F5: variants seen among roughly 807,000 people sequenced by gnomAD.
The protein encoded by F5 is coagulation factor V, also known as activated protein c cofactor.
Under a neutral mutation model 216.4 loss-of-function variants are expected in F5, and 138 were observed. The observed-to-expected ratio is 0.64, with a 90% CI of 0.56 to 0.73. The LOEUF (loss-of-function observed/expected upper bound fraction) is 0.73, where lower values mean the gene tolerates loss of function less well. Ranked by LOEUF, F5 falls within the 30% of genes least tolerant of loss-of-function variation. The pLI is 0.00. For missense variants in F5, 2,403 were observed against 2,674.0 expected (o/e 0.90, Z 2.24); for synonymous variants, 916 against 930.7 (o/e 0.98, Z 0.29).
At chr1:169,560,501 T>A (rs954826507) in intron 4 of F5, 53 bp downstream of exon 4, 241 of 1,573,156 alleles carry the variant, frequency 1.5e-4, no homozygotes, top group Non-Finnish European at 2.0e-4. Flanking sequence ...ATGACAGAAC[T>A]CCTGACCATT....
intron 19 of F5, 66 bp from the exon 20 acceptor site, chr1:169,523,970 G>T: frequency 7.4e-7 from 1 of 1,355,498 alleles, no homozygotes; most frequent in Non-Finnish European, 1.0e-6. Flanking sequence ...TCTCAAGTGA[G>T]TTTAATCCAG....
chr1:169,551,378 A>C (rs1161805684), intron 8 of F5, among the ~76,000 whole-genome samples: 2 of 152,192 alleles, frequency 1.3e-5, no homozygotes, highest in Non-Finnish European at 2.9e-5. Flanking sequence ...TGAGCCCAGG[A>C]AGTGGAGGTT....
chr1:169,524,595 T>C (rs1486463115), intron 19 of F5, among the ~76,000 whole-genome samples: 1 of 152,132 alleles, frequency 6.6e-6, no homozygotes, highest in East Asian at 1.9e-4. Context: ...CTCTTTGGGA[T>C]CATTATACAC....
chr1:169,540,270 A>T (rs765746729), intron 13 of F5, 24 bp downstream of exon 13: 1 of 1,612,244 alleles, frequency 6.2e-7, no homozygotes, highest in Non-Finnish European at 8.5e-7. Context: ...AAATGAGAAT[A>T]AAAAAGGAGA....
At position 169,542,102 on chromosome 1, in the gene F5, A is replaced by C. The variant is rs760204061; in HGVS notation, c.2988T>G (p.Ser996Arg). 2.5e-5 allele frequency: 40 copies of C among 1,613,710 alleles called. No individual in the cohort carries two copies. Among genetic ancestry groups the C allele is most frequent in the Non-Finnish European group, 3.0e-5 (35 of 1,179,968 alleles). ...TAACTCTAGGAAACTTTGGGTGGCCACTCTGCTTTCCAGGCTTGTTGGCAA... is the reference window on the plus strand; with the variant it reads ...TAACTCTAGGAAACTTTGGGTGGCCCCTCTGCTTTCCAGGCTTGTTGGCAA... ...TPLANKPGKQSGHPKFPRVRH... is the reference protein window; with the variant it reads ...TPLANKPGKQRGHPKFPRVRH... Residue 996 changes from serine (S) to arginine (R), a missense_variant, in exon 13 of 25, where the codon AGT becomes AGG. Physicochemically the swap from Ser to Arg is moderately radical, Grantham distance 110. This residue lies in a region of F5 where 1,425 missense variants were observed against 1,554.8 expected (regional missense o/e 0.92). Coordinates refer to ENST00000367797, the MANE Select transcript of F5 (RefSeq NM_000130.5).
intron 10 of F5, 99 bp downstream of exon 10, chr1:169,549,702 C>T (rs1660115046): frequency 1.2e-6 from 1 of 825,730 alleles, no homozygotes; most frequent in Admixed American, 2.0e-5. Context: ...TTACTGTTCT[C>T]TTGAAGGAAA....
intron 23 of F5, 45 bp from the exon 24 acceptor site, chr1:169,515,671 C>T (rs1381891487): frequency 6.1e-5 from 97 of 1,600,078 alleles, no homozygotes; most frequent in Non-Finnish European, 7.2e-5. Context: ...ATGTTAAAAC[C>T]TTTGCTTTTT....
chr1:169,540,210 A>G lies in F5; in HGVS notation c.4796+84T>C. Reference sequence around the variant, plus strand: ...ACACTGTTCTTAGTATAATTTGCCCACAATTATCCCCCTGAATTGTAGTAG... The same window carrying G: ...ACACTGTTCTTAGTATAATTTGCCCGCAATTATCCCCCTGAATTGTAGTAG... On this transcript the variant is annotated intron_variant, in intron 13 of 24. Coordinates refer to ENST00000367797, the MANE Select transcript of F5 (RefSeq NM_000130.5). The G allele has an allele frequency of 2.0e-6, 3 of 1,476,120 alleles. No homozygotes were observed. The South Asian group carries it at 3.5e-5, about 17-fold the overall frequency. 91.4% of individuals were successfully genotyped at this position (1,476,120 alleles called of 1,614,324 possible). A position where few individuals can be genotyped will look rare whatever the true frequency, so the allele number is the denominator to read the frequency against.
At chr1:169,538,107 T>C (rs1319723716) in intron 13 of F5, among the ~76,000 whole-genome samples, 5 of 152,114 alleles carry the variant, frequency 3.3e-5, no homozygotes, top group African/African-American at 9.7e-5. Context: ...ATGGATTTCT[T>C]AAATGTGATC....
At chr1:169,562,568 CT>C (rs1337609606) in intron 3 of F5, among the ~76,000 whole-genome samples, 1 of 151,466 alleles carries the variant, frequency 6.6e-6, no homozygotes, top group African/African-American at 2.4e-5. Context: ...TTTCTGTTTT[CT>C]TTTGGATTGA....
chr1:169,546,704 A>G, intron 10 of F5, 112 bp from the exon 11 acceptor site: 1 of 924,550 alleles, frequency 1.1e-6, no homozygotes, highest in East Asian at 2.5e-5. Flanking sequence ...GATCTGTGAC[A>G]AAAGCAAGCA....
Position 169,560,549 on chromosome 1 carries a change from C to T in F5, c.586+5G>A, listed in dbSNP as rs1660451531. On this transcript the variant is annotated splice_donor_5th_base_variant and intron_variant, in intron 4 of 24. Coordinates refer to ENST00000367797, the MANE Select transcript of F5 (RefSeq NM_000130.5). ...TGTTGAATCTTTTGGTGGGGGTGTT[C>T]TTACCTTTTTTACAGATAAGCAGGG... 5 of 1,613,178 alleles carry T rather than the reference C, an allele frequency of 3.1e-6. No homozygotes were observed. Among genetic ancestry groups the T allele is most frequent in the Admixed American group, 3.3e-5 (2 of 59,914 alleles).
intron 12 of F5, among the ~76,000 whole-genome samples, chr1:169,543,642 G>T (rs1659928722): frequency 6.6e-6 from 1 of 152,150 alleles, no homozygotes; most frequent in African/African-American, 2.4e-5. Flanking sequence ...GGACAATTTT[G>T]AATCTCTGAA....
chr1:169,545,434 A>G (rs1263371530), intron 11 of F5, among the ~76,000 whole-genome samples: 3 of 152,222 alleles, frequency 2.0e-5, no homozygotes, highest in African/African-American at 7.2e-5. Flanking sequence ...TGTTGAAATG[A>G]TAATATTCAG....
chr1:169,556,005 A>G (rs1660315670), intron 6 of F5, among the ~76,000 whole-genome samples: 2 of 152,218 alleles, frequency 1.3e-5, no homozygotes, highest in South Asian at 4.1e-4. Context: ...GTCTCCATTT[A>G]TATGAACTCT....
chr1:169,532,059 A>T (rs975666734), intron 14 of F5, among the ~76,000 whole-genome samples: 3 of 152,218 alleles, frequency 2.0e-5, no homozygotes, highest in African/African-American at 7.2e-5. Context: ...AAATCAATAA[A>T]TGTGATTCAC....
At position 169,555,237 on chromosome 1, in the gene F5, C is replaced by A. The variant is rs1660286381; in HGVS notation, c.1063G>T (p.Ala355Ser). 2 of 1,614,008 alleles carry A rather than the reference C, an allele frequency of 1.2e-6. No individual in the cohort carries two copies. The highest frequency in any genetic ancestry group is 1.7e-5 in the Admixed American group (1 of 60,010). The change falls in exon 7 of 25, where the codon GCT (alanine) becomes TCT (serine). Residue 355 changes from alanine (A) to serine (S), a missense_variant. Around this residue, in one of 4 missense-constraint regions of F5, gnomAD observed 1,425 missense variants for 1,554.8 expected, o/e 0.92. Coordinates refer to ENST00000367797, the MANE Select transcript of F5 (RefSeq NM_000130.5). ...TAGTCCCAAATGACTTCCTCTGCAG[C>A]AATGAAGTATTCCCACCTCTTCATG... The part of the protein sequence containing the change: ...RHMKRWEYFI[A>S]AEEVIWDYAP...
chr1:169,574,502 G>T (rs767094352), intron 2 of F5, among the ~76,000 whole-genome samples: 86 of 152,140 alleles, frequency 5.7e-4, no homozygotes, highest in Non-Finnish European at 1.2e-3. Context: ...TTGGCTTCTC[G>T]CCATTAGGCG....
At chr1:169,571,650 C>A (rs1347594960) in intron 3 of F5, among the ~76,000 whole-genome samples, 1 of 152,104 alleles carries the variant, frequency 6.6e-6, no homozygotes, top group Non-Finnish European at 1.5e-5. Flanking sequence ...ATGGGCCAAA[C>A]CCAACCAATT....
Sources: allele counts gnomAD v4.1 joint callset (sites outside exome capture counted in the v4.1 genomes callset), GRCh38; gene constraint gnomAD v4.1.1; regional missense constraint gnomAD v4.1.1; transcripts MANE v1.5; gene names NCBI Gene and HGNC (gene_info 2026-07-23, HGNC 2026-07-21).